Variants in SMURF2 observed in about 807,000 individuals in gnomAD.
SMURF2 encodes SMAD specific E3 ubiquitin protein ligase 2, also known as E3 ubiquitin-protein ligase SMURF2.
Under a neutral mutation model 109.6 loss-of-function variants are expected in SMURF2, and 48 were observed. The observed-to-expected ratio is 0.44, with a 90% CI of 0.35 to 0.56. The LOEUF is 0.56. Among genes scored for constraint, SMURF2 ranks in the 20% least tolerant of loss-of-function variants. SMURF2 has a pLI of 0.01. For missense variants in SMURF2, 575 were observed against 909.0 expected (o/e 0.63, Z 4.72); for synonymous variants, 288 against 317.1 (o/e 0.91, Z 0.97).
chr17:64,545,733 A>AAG lies in SMURF2; in HGVS notation c.*114_*115insCT, dbSNP rs1555683030. 1.5e-4 allele frequency: 12 copies of AAG among 79,494 alleles called. No individual in the cohort carries two copies. The highest frequency in any genetic ancestry group is 3.8e-4 in the South Asian group (1 of 2,652). 4.9% of individuals were successfully genotyped at this position (79,494 alleles called of 1,614,324 possible). ...CTAAAATGTAAAAAAAAAAAAAAAA[A>AAG]GGGGGGGGGGGGGAGTGTTTTCCTG... On this transcript the variant is annotated 3_prime_UTR_variant, in exon 19 of 19. Transcript: ENST00000262435.
At chr17:64,610,264 C>T (rs1413350892) in intron 1 of SMURF2, among the ~76,000 whole-genome samples, 1 of 152,118 alleles carries the variant, frequency 6.6e-6, no homozygotes, top group East Asian at 1.9e-4. Flanking sequence ...TGGGTATATA[C>T]CCAAAGGATT....
At chr17:64,648,294 G>A (rs1970588602) in intron 1 of SMURF2, among the ~76,000 whole-genome samples, 1 of 151,928 alleles carries the variant, frequency 6.6e-6, no homozygotes, top group South Asian at 2.1e-4. Context: ...TTTGCAGTGT[G>A]GTAAAACAGT....
intron 1 of SMURF2, among the ~76,000 whole-genome samples, chr17:64,617,883 A>T (rs561572615): frequency 3.9e-5 from 6 of 152,304 alleles, no homozygotes; most frequent in African/African-American, 1.4e-4. Context: ...GTTCTCACAA[A>T]CATGCGTACT....
At chr17:64,591,372 G>A (rs568187257) in intron 4 of SMURF2, among the ~76,000 whole-genome samples, 2 of 152,000 alleles carry the variant, frequency 1.3e-5, no homozygotes, top group Non-Finnish European at 2.9e-5. Context: ...AATAATTGTT[G>A]GTCTTAAGGA....
intron 10 of SMURF2, among the ~76,000 whole-genome samples, 185 bp downstream of exon 10, chr17:64,571,613 C>T (rs1453339598): frequency 6.6e-6 from 1 of 152,022 alleles, no homozygotes; most frequent in East Asian, 1.9e-4. Context: ...GAGATGAGGT[C>T]TCACTATATT....
chr17:64,638,758 G>A (rs114577018), intron 1 of SMURF2, among the ~76,000 whole-genome samples: 4 of 152,270 alleles, frequency 2.6e-5, no homozygotes, highest in Middle Eastern at 3.4e-3. Flanking sequence ...CTCTAGCTAT[G>A]CACGTTTATG....
At chr17:64,642,213 G>A (rs1330096739) in intron 1 of SMURF2, among the ~76,000 whole-genome samples, 1 of 152,222 alleles carries the variant, frequency 6.6e-6, no homozygotes, top group Non-Finnish European at 1.5e-5. Flanking sequence ...GGCTAGCAAT[G>A]CAGGTCGATT....
At chr17:64,660,362 T>C (rs1970758159) in intron 1 of SMURF2, among the ~76,000 whole-genome samples, 1 of 152,136 alleles carries the variant, frequency 6.6e-6, no homozygotes, top group Non-Finnish European at 1.5e-5. Context: ...AGGTTTCCAC[T>C]GACTCCTCCC....
chr17:64,598,436 G>A lies in SMURF2; in HGVS notation c.146C>T (p.Ser49Phe). Residue 49 changes from serine to phenylalanine, a missense_variant, in exon 3 of 19, where the codon TCT becomes TTT. Physicochemically the swap from Ser to Phe is radical, Grantham distance 155. Around this residue, in one of 5 missense-constraint regions of SMURF2, gnomAD observed 33 missense variants for 66.0 expected, o/e 0.50. Transcript: ENST00000262435. ...VVVDGSGQCH[S>F]TDTVKNTLDP... ...AAGCGTATTCTTCACAGTATCTGTA[G>A]AATGGCATTGCCCAGATCCATCAAC... 6.2e-7 allele frequency: 1 copy of A among 1,610,608 alleles called. No homozygotes were observed. The highest frequency in any genetic ancestry group is 8.5e-7 in the Non-Finnish European group (1 of 1,179,256).
intron 1 of SMURF2, among the ~76,000 whole-genome samples, chr17:64,611,380 G>A (rs781783982): frequency 3.3e-5 from 5 of 151,994 alleles, no homozygotes; most frequent in South Asian, 2.1e-4. Flanking sequence ...CATAAAACCC[G>A]ATCCTTAGTT....
chr17:64,608,512 C>T (rs1364981130), intron 1 of SMURF2, among the ~76,000 whole-genome samples: 1 of 152,102 alleles, frequency 6.6e-6, no homozygotes, highest in Non-Finnish European at 1.5e-5. Context: ...AAACTTTTGT[C>T]ATAATATAAA....
At position 64,547,526 on chromosome 17, in the gene SMURF2, A is replaced by C. The variant is rs1968975475; in HGVS notation, c.2071+74T>G. The C allele has an allele frequency of 1.6e-6, 2 of 1,283,482 alleles. No individual in the cohort carries two copies. The highest frequency in any genetic ancestry group is 2.3e-6 in the Non-Finnish European group (2 of 887,014). The allele number at this position is 1,283,482 out of a possible 1,614,324, so 79.5% of individuals were successfully genotyped here. A position where few individuals can be genotyped will look rare whatever the true frequency, so the allele number is the denominator to read the frequency against. On this transcript the variant is annotated intron_variant, in intron 17 of 18. Coordinates refer to ENST00000262435, the MANE Select transcript of SMURF2 (RefSeq NM_022739.4). The surrounding 1 kb of genome is among the most constrained non-coding windows in gnomAD (Gnocchi z 4.2). ...AATCTCTAAGCACATGGTTTACAAA[A>C]TATCTCCACAGACCCCACGCTGACA...
At chr17:64,565,165 C>G (rs1969282247) in intron 10 of SMURF2, among the ~76,000 whole-genome samples, 1 of 152,116 alleles carries the variant, frequency 6.6e-6, no homozygotes, top group African/African-American at 2.4e-5. Flanking sequence ...TGGCTTAGAG[C>G]TGAAGGACAA....
intron 1 of SMURF2, among the ~76,000 whole-genome samples, chr17:64,641,102 A>G (rs1555692529): frequency 6.6e-6 from 1 of 152,054 alleles, no homozygotes; most frequent in Non-Finnish European, 1.5e-5. Flanking sequence ...TTTTATTCAG[A>G]TAGTATCTGC....
At chr17:64,643,446 C>T (rs1300234809) in intron 1 of SMURF2, among the ~76,000 whole-genome samples, 4 of 152,118 alleles carry the variant, frequency 2.6e-5, no homozygotes, top group Non-Finnish European at 5.9e-5. Flanking sequence ...ATTCTCCATC[C>T]TTTACCCTGT....
chr17:64,613,727 TGTGTGTGTGTGTGTGTGG>T (rs1970080195), intron 1 of SMURF2, among the ~76,000 whole-genome samples: 1 of 135,606 alleles, frequency 7.4e-6, no homozygotes, highest in African/African-American at 2.8e-5. Flanking sequence ...TGTGTGTGTG[TGTGTGTGTGTGTGTGTGG>T]AGGGGGGGCA....
intron 9 of SMURF2, among the ~76,000 whole-genome samples, chr17:64,577,336 T>C (rs1969507506): frequency 6.7e-6 from 1 of 149,604 alleles, no homozygotes. Context: ...TTCTCACTCA[T>C]AGGTGGGAAT....
intron 10 of SMURF2, among the ~76,000 whole-genome samples, chr17:64,563,995 CA>C (rs564677142): frequency 1.6e-3 from 239 of 152,188 alleles, no homozygotes; most frequent in Middle Eastern, 3.4e-3. Context: ...CTTTGGAAAG[CA>C]TATATCAGAT....
intron 9 of SMURF2, among the ~76,000 whole-genome samples, chr17:64,572,477 G>A (rs531376854): frequency 8.5e-4 from 130 of 152,208 alleles, no homozygotes; most frequent in Non-Finnish European, 1.7e-3. Flanking sequence ...AGAATAAACT[G>A]CAATTCTAAA....
Sources: gnomAD v4.1 joint callset for allele counts (sites outside exome capture counted in the v4.1 genomes callset) on GRCh38, gnomAD v4.1.1 for gene constraint, gnomAD v4.1.1 regional missense constraint, Gnocchi (gnomAD v3.1) non-coding constraint, MANE v1.5 for transcripts, NCBI Gene and HGNC (gene_info 2026-07-23, HGNC 2026-07-21) for gene names.